RELN: variants seen among roughly 807,000 people sequenced by gnomAD.
RELN encodes reelin.
A neutral mutation model predicts 427.6 loss-of-function variants in RELN; 108 were observed. That is an observed-to-expected ratio of 0.25 (90% CI 0.22 to 0.30). The LOEUF is 0.30. Among genes scored for constraint, RELN ranks in the 10% least tolerant of loss-of-function variants. The pLI, the probability that RELN is intolerant of heterozygous loss-of-function variation, is 1.00. For missense variants in RELN, 3,715 were observed against 4,302.8 expected, an observed-to-expected ratio of 0.86 and a Z score of 3.82; for synonymous variants, 1,524 against 1,513.4, an observed-to-expected ratio of 1.01 and a Z score of -0.16.
chr7:103,891,223 T>C (rs544320792), intron 2 of RELN, among the ~76,000 whole-genome samples: 1 of 152,338 alleles, frequency 6.6e-6, no homozygotes, highest in South Asian at 2.1e-4. Context: ...CTGCTTGAGC[T>C]AGAATAAACT....
chr7:103,714,659 G>A (rs1584429738), intron 8 of RELN, among the ~76,000 whole-genome samples: 1 of 152,160 alleles, frequency 6.6e-6, no homozygotes, highest in African/African-American at 2.4e-5. Context: ...TCGAAGTTCA[G>A]GGGCCGTAGC....
At chr7:103,632,552 G>A (rs1832492590) in intron 19 of RELN, among the ~76,000 whole-genome samples, 2 of 152,086 alleles carry the variant, frequency 1.3e-5, no homozygotes, top group Admixed American at 6.6e-5. Flanking sequence ...CGTATCTTTG[G>A]GTGTAGGGGG....
At chr7:103,803,224 G>C (rs1263415368) in intron 3 of RELN, among the ~76,000 whole-genome samples, 1 of 152,010 alleles carries the variant, frequency 6.6e-6, no homozygotes, top group Non-Finnish European at 1.5e-5. Context: ...ATTTACGATT[G>C]CTGCGTCTTC....
rs1486813686 is a variant in RELN at position 103,593,773 on chromosome 7, G to A, written c.3821C>T (p.Pro1274Leu). ...TGATTTTCCAAATATCATTGCTGATGGTGTGGCAGCACAGAAGGTTTCATT... is the reference window on the plus strand; with the variant it reads ...TGATTTTCCAAATATCATTGCTGATAGTGTGGCAGCACAGAAGGTTTCATT... ...VKNETFCAATPSAMIFGKSDG... is the reference protein window; with the variant it reads ...VKNETFCAATLSAMIFGKSDG... Residue 1274 changes from proline to leucine, a missense_variant, in exon 27 of 65, where the codon CCA becomes CTA. Physicochemically the swap from Pro to Leu is moderately conservative, Grantham distance 98. Transcript: ENST00000428762. 1.9e-6 allele frequency: 3 copies of A among 1,613,342 alleles called. No individual in the cohort carries two copies. The highest frequency in any genetic ancestry group is 4.5e-5 in the East Asian group (2 of 44,866).
intron 49 of RELN, among the ~76,000 whole-genome samples, chr7:103,518,563 T>A (rs1829629082): frequency 6.7e-6 from 1 of 148,222 alleles, no homozygotes. Flanking sequence ...CTTGAACTCC[T>A]GGCTTCAAGT....
chr7:103,504,923 T>G (rs1829157059), intron 51 of RELN, among the ~76,000 whole-genome samples: 1 of 152,048 alleles, frequency 6.6e-6, no homozygotes, highest in African/African-American at 2.4e-5. Context: ...GAGGCTTGAG[T>G]AGGCGGTTTT....
At chr7:103,986,125 C>A (rs577119488) in intron 1 of RELN, among the ~76,000 whole-genome samples, 1 of 152,106 alleles carries the variant, frequency 6.6e-6, no homozygotes, top group South Asian at 2.1e-4. Flanking sequence ...TGTATAGAGA[C>A]CTCCTTTCGC....
chr7:103,982,340 G>A (rs1015427606), intron 1 of RELN, among the ~76,000 whole-genome samples: 2 of 151,988 alleles, frequency 1.3e-5, no homozygotes, highest in Non-Finnish European at 1.5e-5. Flanking sequence ...GTAATTCAGC[G>A]ATATGAAGAA....
intron 2 of RELN, among the ~76,000 whole-genome samples, chr7:103,847,358 T>C (rs531080516): frequency 4.6e-4 from 70 of 151,660 alleles, no homozygotes; most frequent in Non-Finnish European, 9.0e-4. Context: ...TAAGTGGGAG[T>C]TGAACAATGA....
At chr7:103,497,534 G>A (rs1413112374) in intron 55 of RELN, among the ~76,000 whole-genome samples, 4 of 152,088 alleles carry the variant, frequency 2.6e-5, no homozygotes, top group African/African-American at 9.7e-5. Context: ...CATACAAAAT[G>A]TATTTCTTAA....
intron 8 of RELN, among the ~76,000 whole-genome samples, chr7:103,716,892 G>A (rs1468506628): frequency 6.6e-6 from 1 of 152,124 alleles, no homozygotes; most frequent in Non-Finnish European, 1.5e-5. Context: ...TGGAGGAGTG[G>A]TGTTTGAGAG....
chr7:103,550,801 T>A (rs1343722864), intron 41 of RELN, among the ~76,000 whole-genome samples: 1 of 152,170 alleles, frequency 6.6e-6, no homozygotes, highest in Non-Finnish European at 1.5e-5. Context: ...TGTTGTGTTC[T>A]AATTGATCTA....
intron 2 of RELN, among the ~76,000 whole-genome samples, chr7:103,848,288 A>G (rs1321817358): frequency 6.6e-6 from 1 of 152,230 alleles, no homozygotes; most frequent in Non-Finnish European, 1.5e-5. Flanking sequence ...AATTCTGCAA[A>G]TAAAATTTCA....
Position 103,563,857 on chromosome 7 carries a change from T to C in RELN, c.5210+1421A>G, listed in dbSNP as rs929605136. Reference sequence around the variant, plus strand: ...AATTATGTTACAATTGCTTACAGTATTTAGTATAGCAATATGCTGTACAGC... The same window carrying C: ...AATTATGTTACAATTGCTTACAGTACTTAGTATAGCAATATGCTGTACAGC... On this transcript the variant is annotated intron_variant, in intron 34 of 64. Coordinates refer to ENST00000428762, the MANE Select transcript of RELN (RefSeq NM_005045.4). This position sits in a 1 kb window ranked among gnomAD's most constrained non-coding sequence, Gnocchi z 4.1. Among the ~76,000 whole-genome samples, 1 of 152,244 alleles carries C rather than the reference T, an allele frequency of 6.6e-6. No homozygotes were observed. The highest frequency in any genetic ancestry group is 2.4e-5 in the African/African-American group (1 of 41,464).
chr7:103,621,246 G>A (rs1212572008), intron 20 of RELN, among the ~76,000 whole-genome samples: 2 of 151,876 alleles, frequency 1.3e-5, no homozygotes, highest in African/African-American at 4.8e-5. Flanking sequence ...ATATACTTTT[G>A]GCTGTGATTT....
At chr7:103,867,516 G>C (rs1430498997) in intron 2 of RELN, among the ~76,000 whole-genome samples, 1 of 152,044 alleles carries the variant, frequency 6.6e-6, no homozygotes, top group African/African-American at 2.4e-5. Context: ...AGCTTCCTAT[G>C]CAACTATTAA....
chr7:103,838,991 C>A (rs749797775), intron 2 of RELN, among the ~76,000 whole-genome samples: 18 of 152,332 alleles, frequency 1.2e-4, no homozygotes, highest in Non-Finnish European at 2.1e-4. Flanking sequence ...TCTGAGTTAA[C>A]TGTTTTGAAG....
intron 2 of RELN, among the ~76,000 whole-genome samples, chr7:103,890,562 C>G (rs955299116): frequency 1.4e-5 from 2 of 138,630 alleles, no homozygotes; most frequent in African/African-American, 2.9e-5. Flanking sequence ...TCCCCCAAAC[C>G]ATCCCCACCC....
intron 1 of RELN, among the ~76,000 whole-genome samples, chr7:103,964,920 AC>A (rs1489433107): frequency 6.6e-6 from 1 of 152,204 alleles, no homozygotes; most frequent in Non-Finnish European, 1.5e-5. Flanking sequence ...ATAACTTAGG[AC>A]AAGTTACCTA....
Sources: allele counts gnomAD v4.1 joint callset (sites outside exome capture counted in the v4.1 genomes callset), GRCh38; gene constraint gnomAD v4.1.1; non-coding constraint Gnocchi (gnomAD v3.1); transcripts MANE v1.5; gene names NCBI Gene and HGNC (gene_info 2026-07-23, HGNC 2026-07-21).